Variants in ERICH6B observed in about 807,000 individuals in gnomAD.
The protein encoded by ERICH6B is glutamate-rich protein 6B.
ERICH6B carries 69 observed loss-of-function variants against 80.0 expected under a neutral mutation model. That is an observed-to-expected ratio of 0.86 (90% CI 0.71 to 1.05). The LOEUF is 1.05. Among genes scored for constraint, ERICH6B ranks in the 50% least tolerant of loss-of-function variants. The pLI is 0.00. For synonymous variants in ERICH6B, 283 were observed against 291.9 expected, an observed-to-expected ratio of 0.97 and a Z score of 0.31; for missense variants, 754 against 796.1, an observed-to-expected ratio of 0.95 and a Z score of 0.64.
intron 1 of ERICH6B, among the ~76,000 whole-genome samples, chr13:45,614,191 C>A (rs1949915272): frequency 6.6e-6 from 1 of 152,118 alleles, no homozygotes; most frequent in South Asian, 2.1e-4. Flanking sequence ...TATCTGGAGT[C>A]CCACCCTTTC....
intron 3 of ERICH6B, among the ~76,000 whole-genome samples, chr13:45,593,465 G>A (rs1030146813): frequency 6.6e-6 from 1 of 152,284 alleles, no homozygotes. Context: ...AAAATGCTAT[G>A]TGTCTGGCAT....
Position 45,561,364 on chromosome 13 carries a change from C to T in ERICH6B, c.1407+5G>A. On this transcript the variant is annotated splice_donor_5th_base_variant and intron_variant, in intron 11 of 14. Transcript: ENST00000298738. Reference sequence around the variant, plus strand: ...TAAAAAACAGCAATGTACTGTCCCTCTTACCACTGTCTTCTTCTGTATCCA... The same window carrying T: ...TAAAAAACAGCAATGTACTGTCCCTTTTACCACTGTCTTCTTCTGTATCCA... 7 of 1,552,028 alleles carry T rather than the reference C, an allele frequency of 4.5e-6. No homozygotes were observed. Among genetic ancestry groups the T allele is most frequent in the Non-Finnish European group, 6.1e-6 (7 of 1,146,972 alleles).
rs1054358210 is a variant in ERICH6B, at chr13:45,596,982, T to A, written c.24A>T (p.Leu8Phe). ...GAGGGTGAGGAGGTGATGCTCCTGA[T>A]AACTGATTATTTTCAGCAGACATGC... MSAENNQ[L>F]SGASPPHPPT... Residue 8 changes from leucine (L) to phenylalanine (F), a missense_variant, in exon 3 of 15, where the codon TTA (leucine) becomes TTT (phenylalanine). Transcript: ENST00000298738. 31 of 1,547,142 alleles carry A rather than the reference T, an allele frequency of 2.0e-5. No individual in the cohort carries two copies. In the Middle Eastern group the frequency reaches 5.0e-4, roughly 25 times the overall value.
chr13:45,568,577 G>T, intron 8 of ERICH6B, 126 bp from the exon 9 acceptor site: 1 of 930,928 alleles, frequency 1.1e-6, no homozygotes, highest in Non-Finnish European at 1.5e-6. Flanking sequence ...ATACAAAAAT[G>T]GGAACCAGGG....
chr13:45,574,953 C>G, intron 7 of ERICH6B, 23 bp from the exon 8 acceptor site: 1 of 1,487,990 alleles, frequency 6.7e-7, no homozygotes, highest in Non-Finnish European at 9.2e-7. Flanking sequence ...GAAGGAGCGT[C>G]GAAAGGAAGG....
At chr13:45,597,520 G>A (rs1030576529) in intron 2 of ERICH6B, among the ~76,000 whole-genome samples, 1 of 152,206 alleles carries the variant, frequency 6.6e-6, no homozygotes, top group Non-Finnish European at 1.5e-5. Flanking sequence ...GACGGACACA[G>A]TGGCTGGGGC....
chr13:45,568,147 G>T (rs1049777320), intron 9 of ERICH6B, among the ~76,000 whole-genome samples, 168 bp downstream of exon 9: 2 of 152,130 alleles, frequency 1.3e-5, no homozygotes, highest in Non-Finnish European at 2.9e-5. Context: ...CTGACCCCTG[G>T]ATCTCACCCT....
intron 8 of ERICH6B, among the ~76,000 whole-genome samples, chr13:45,570,955 T>C (rs1442733474): frequency 1.3e-5 from 2 of 152,134 alleles, no homozygotes; most frequent in Non-Finnish European, 2.9e-5. Flanking sequence ...CCATGTGGCA[T>C]TCGCTCCACT....
intron 2 of ERICH6B, among the ~76,000 whole-genome samples, chr13:45,606,423 T>C (rs899501115): frequency 1.4e-5 from 2 of 147,864 alleles, no homozygotes; most frequent in African/African-American, 5.0e-5. Context: ...GAGCCATGTT[T>C]AGGCTGCCTC....
chr13:45,593,029 T>C (rs17066950), intron 3 of ERICH6B, among the ~76,000 whole-genome samples: 6,041 of 152,258 alleles, frequency 0.04, 393 homozygotes, highest in African/African-American at 0.14. Flanking sequence ...CTCACACCCA[T>C]GTTGTGCATC....
intron 11 of ERICH6B, among the ~76,000 whole-genome samples, chr13:45,550,682 T>C (rs1319147034): frequency 6.6e-6 from 1 of 152,216 alleles, no homozygotes; most frequent in Non-Finnish European, 1.5e-5. Context: ...GGTTGGTTCC[T>C]TCTAGAGGTT....
chr13:45,543,996 C>A lies in ERICH6B; in HGVS notation c.1872+764G>T, dbSNP rs137878755. Among the ~76,000 whole-genome samples the A allele has an allele frequency of 5.2e-3, 797 of 152,240 alleles. 5 individuals carry two copies. Among genetic ancestry groups the A allele is most frequent in the African/African-American group, 0.018 (768 of 41,534 alleles). Reference sequence around the variant, plus strand: ...GGATCATATCCTGAGCTCAAGTGAGCCTCCTGCCTCAGCATCCCAAGTAGC... The same window carrying A: ...GGATCATATCCTGAGCTCAAGTGAGACTCCTGCCTCAGCATCCCAAGTAGC... On this transcript the variant is annotated intron_variant, in intron 14 of 14. Coordinates refer to ENST00000298738, the MANE Select transcript of ERICH6B (RefSeq NM_182542.3).
intron 11 of ERICH6B, among the ~76,000 whole-genome samples, chr13:45,559,034 G>C (rs1874555850): frequency 6.6e-6 from 1 of 152,010 alleles, no homozygotes; most frequent in Non-Finnish European, 1.5e-5. Flanking sequence ...ATGTCTGGTA[G>C]AATTTTTTTT....
At chr13:45,590,740 A>G (rs373152178) in intron 3 of ERICH6B, 43 bp from the exon 4 acceptor site, 692 of 1,510,000 alleles carry the variant, frequency 4.6e-4, no homozygotes, top group African/African-American at 2.8e-3. Context: ...GCAAAAAAGC[A>G]TCTTTCTTTC....
chr13:45,577,430 T>G (rs974031658), intron 7 of ERICH6B, among the ~76,000 whole-genome samples: 4 of 151,886 alleles, frequency 2.6e-5, no homozygotes, highest in Admixed American at 2.0e-4. Flanking sequence ...ATTACAGGCG[T>G]GTGCCACCAT....
intron 14 of ERICH6B, among the ~76,000 whole-genome samples, chr13:45,542,826 G>A (rs1873836530): frequency 6.6e-6 from 1 of 152,202 alleles, no homozygotes; most frequent in Non-Finnish European, 1.5e-5. Flanking sequence ...ACCTAGGGGG[G>A]TCAGCAGGCC....
intron 8 of ERICH6B, among the ~76,000 whole-genome samples, chr13:45,572,337 A>G (rs1304103223): frequency 1.3e-5 from 2 of 152,130 alleles, no homozygotes; most frequent in East Asian, 3.9e-4. Context: ...TCCTGCCCTC[A>G]GCCTCTCCCC....
At chr13:45,572,681 AC>A (rs948234159) in intron 8 of ERICH6B, among the ~76,000 whole-genome samples, 8 of 152,240 alleles carry the variant, frequency 5.3e-5, no homozygotes, top group Non-Finnish European at 5.9e-5. Context: ...AGGTTGGAAA[AC>A]AAAATACAAA....
intron 8 of ERICH6B, among the ~76,000 whole-genome samples, chr13:45,573,062 G>A (rs1183281226): frequency 6.6e-6 from 1 of 152,084 alleles, no homozygotes; most frequent in Non-Finnish European, 1.5e-5. Flanking sequence ...GATGCAGATA[G>A]CTCTGGTTCC....
Sources: allele counts gnomAD v4.1 joint callset (sites outside exome capture counted in the v4.1 genomes callset), GRCh38; gene constraint gnomAD v4.1.1; transcripts MANE v1.5; gene names NCBI Gene and HGNC (gene_info 2026-07-23, HGNC 2026-07-21).